Variants in DOCK3 observed in about 807,000 individuals in gnomAD.
DOCK3 encodes the protein dedicator of cytokinesis 3, also known as dedicator of cytokinesis protein 3.
DOCK3 carries 60 observed loss-of-function variants against 265.6 expected under a neutral mutation model. The ratio of observed to expected loss-of-function variants is 0.23; its 90% confidence interval spans 0.18 to 0.28. The LOEUF is 0.28. DOCK3 is among the 10% of genes least tolerant of loss of function. DOCK3 has a pLI of 1.00. For synonymous variants in DOCK3, 881 were observed against 938.0 expected (o/e 0.94, Z 1.11); for missense variants, 1,981 against 2,594.3 (o/e 0.76, Z 5.14).
intron 7 of DOCK3, among the ~76,000 whole-genome samples, chr3:51,079,711 C>T (rs992419585): frequency 6.6e-6 from 1 of 152,112 alleles, no homozygotes; most frequent in African/African-American, 2.4e-5. Flanking sequence ...TTCAATTCTG[C>T]ATCATAACAA....
chr3:51,285,537 G>T (rs1031253063), intron 27 of DOCK3, among the ~76,000 whole-genome samples: 7 of 151,400 alleles, frequency 4.6e-5, no homozygotes, highest in Admixed American at 2.0e-4. Context: ...TTCAATAAAA[G>T]GATTCAGCAG....
At chr3:51,170,122 A>C (rs2086602651) in intron 12 of DOCK3, among the ~76,000 whole-genome samples, 1 of 152,246 alleles carries the variant, frequency 6.6e-6, no homozygotes, top group Admixed American at 6.5e-5. Context: ...ATGTTCAACC[A>C]GTAAGTATAA....
At chr3:51,317,009 G>A (rs922353929) in intron 32 of DOCK3, among the ~76,000 whole-genome samples, 1 of 151,952 alleles carries the variant, frequency 6.6e-6, no homozygotes, top group African/African-American at 2.4e-5. Context: ...TGCTTTTGGG[G>A]TCATACCCCA....
Position 51,361,828 on chromosome 3 carries a change from A to T in DOCK3, c.5007-31A>T. On this transcript the variant is annotated intron_variant, in intron 47 of 52. Coordinates refer to ENST00000266037, the MANE Select transcript of DOCK3 (RefSeq NM_004947.5). This position sits in a 1 kb window ranked among gnomAD's most constrained non-coding sequence, Gnocchi z 4.2. Reference sequence around the variant, plus strand: ...CCCCCTGCCACCTGCCATGGGCCTGACTCCTCCCTATTTCCCACTCTTGCT... The same window carrying T: ...CCCCCTGCCACCTGCCATGGGCCTGTCTCCTCCCTATTTCCCACTCTTGCT... 6.2e-7 allele frequency: 1 copy of T among 1,605,782 alleles called. No homozygotes were observed. Among genetic ancestry groups the T allele is most frequent in the Non-Finnish European group, 8.5e-7 (1 of 1,175,768 alleles).
At chr3:50,922,935 G>A (rs559422367) in intron 4 of DOCK3, among the ~76,000 whole-genome samples, 55 of 151,874 alleles carry the variant, frequency 3.6e-4, no homozygotes, top group African/African-American at 1.2e-3. Context: ...CCTTTTCCCC[G>A]AGTCCCCAAA....
chr3:51,060,037 A>AAG (rs2081355613), intron 5 of DOCK3, among the ~76,000 whole-genome samples: 1 of 152,110 alleles, frequency 6.6e-6, no homozygotes, highest in Admixed American at 6.6e-5. Flanking sequence ...GATTCTTCAG[A>AAG]AGAGTTGTCT....
chr3:51,280,478 T>C (rs2081053000), intron 27 of DOCK3, among the ~76,000 whole-genome samples: 1 of 152,234 alleles, frequency 6.6e-6, no homozygotes, highest in Non-Finnish European at 1.5e-5. Flanking sequence ...TGTCCCACAC[T>C]GGTTGTCAGA....
At chr3:51,286,794 A>G (rs2081432527) in intron 27 of DOCK3, among the ~76,000 whole-genome samples, 2 of 152,362 alleles carry the variant, frequency 1.3e-5, no homozygotes, top group East Asian at 1.9e-4. Context: ...CCCCTTCCTC[A>G]TGCCATATAC....
At chr3:51,318,431 G>A (rs2083490941) in intron 32 of DOCK3, among the ~76,000 whole-genome samples, 1 of 152,112 alleles carries the variant, frequency 6.6e-6, no homozygotes, top group African/African-American at 2.4e-5. Context: ...AATAGTCAAT[G>A]AAAACAGTAT....
chr3:51,252,282 A>C (rs182725369), intron 22 of DOCK3, among the ~76,000 whole-genome samples: 8 of 152,304 alleles, frequency 5.3e-5, no homozygotes, highest in Non-Finnish European at 1.2e-4. Flanking sequence ...GTATAGTTTG[A>C]AGTCAGGTAG....
chr3:50,766,952 C>T (rs2040923957), intron 1 of DOCK3, among the ~76,000 whole-genome samples: 1 of 152,040 alleles, frequency 6.6e-6, no homozygotes, highest in Non-Finnish European at 1.5e-5. Context: ...TATCCTTTGC[C>T]CACTTTTGGA....
In DOCK3 at chr3:51,088,305, A is replaced by G. The variant is rs560873308; in HGVS notation, c.550-938A>G. 2.0e-5 allele frequency among the ~76,000 whole-genome samples: 3 copies of G among 152,324 alleles called. No individual in the cohort carries two copies. The South Asian group carries it at 6.2e-4, about 32-fold the overall frequency. The stretch of plus-strand genomic sequence containing the variant: ...GGGTTGAAGAGAGGTTGCTCAGCAA[A>G]TACAAACATCTAGTTAGAAGGAATA... On this transcript the variant is annotated intron_variant, in intron 7 of 52. Transcript: ENST00000266037.
intron 1 of DOCK3, among the ~76,000 whole-genome samples, chr3:50,681,788 G>A (rs922556066): frequency 3.3e-5 from 5 of 152,078 alleles, no homozygotes; most frequent in South Asian, 2.1e-4. Context: ...CTCTCCCTTC[G>A]GAACTCATTC....
At chr3:50,736,843 C>T (rs2038659105) in intron 1 of DOCK3, among the ~76,000 whole-genome samples, 1 of 151,834 alleles carries the variant, frequency 6.6e-6, no homozygotes, top group African/African-American at 2.4e-5. Flanking sequence ...ACTACAGGTG[C>T]CCACCACCAT....
intron 5 of DOCK3, among the ~76,000 whole-genome samples, chr3:50,943,892 T>A (rs897628879): frequency 3.3e-5 from 5 of 152,194 alleles, no homozygotes; most frequent in African/African-American, 4.8e-5. Context: ...AGGTGTTAGT[T>A]TCTTATGCTA....
At chr3:50,954,037 A>G (rs1474475054) in intron 5 of DOCK3, among the ~76,000 whole-genome samples, 1 of 151,990 alleles carries the variant, frequency 6.6e-6, no homozygotes, top group African/African-American at 2.4e-5. Flanking sequence ...TGCAACCCCC[A>G]CCACCATCCA....
chr3:50,931,178 G>C (rs2051047670), intron 4 of DOCK3, among the ~76,000 whole-genome samples: 1 of 152,162 alleles, frequency 6.6e-6, no homozygotes, highest in South Asian at 2.1e-4. Context: ...AATATGCCTT[G>C]CTCATTATTT....
intron 40 of DOCK3, among the ~76,000 whole-genome samples, chr3:51,352,545 G>T (rs17051762): frequency 0.1 from 15,257 of 152,222 alleles, 842 homozygotes; most frequent in African/African-American, 0.11. Flanking sequence ...AAGACCCTGG[G>T]AATGGAGGAA....
At chr3:51,160,417 C>A in intron 11 of DOCK3, 138 bp from the exon 12 acceptor site, 1 of 1,084,740 alleles carries the variant, frequency 9.2e-7, no homozygotes, top group Non-Finnish European at 1.2e-6. Flanking sequence ...CCTTGGATGA[C>A]TCCCTTCAGC....
Sources: gnomAD v4.1 joint callset for allele counts (sites outside exome capture counted in the v4.1 genomes callset) on GRCh38, gnomAD v4.1.1 for gene constraint, Gnocchi (gnomAD v3.1) non-coding constraint, MANE v1.5 for transcripts, NCBI Gene and HGNC (gene_info 2026-07-23, HGNC 2026-07-21) for gene names.